The following STOX2 variants were observed in gnomAD, a reference collection of about 807,000 sequenced individuals.
STOX2 encodes the protein storkhead box 2.
STOX2 carries 28 observed loss-of-function variants against 60.9 expected under a neutral mutation model. The observed-to-expected ratio is 0.46, with a 90% CI of 0.34 to 0.63. STOX2 has a LOEUF of 0.63. Ranked by LOEUF, STOX2 falls within the 30% of genes least tolerant of loss-of-function variation. The pLI, the probability that STOX2 is intolerant of heterozygous loss-of-function variation, is 0.01. For missense variants in STOX2, 1,024 were observed against 1,187.7 expected (o/e 0.86, Z 2.03); for synonymous variants, 472 against 463.9 (o/e 1.02, Z -0.22).
chr4:183,971,391 T>G (rs1743736854), intron 1 of STOX2, among the ~76,000 whole-genome samples: 1 of 152,204 alleles, frequency 6.6e-6, no homozygotes, highest in Non-Finnish European at 1.5e-5. Context: ...AATGATCTGG[T>G]CTGTGGGTCA....
Position 184,011,098 on chromosome 4 carries a change from A to T in STOX2, c.2260A>T (p.Met754Leu), listed in dbSNP as rs1162883698. 1 of 1,594,842 alleles carries T rather than the reference A, an allele frequency of 6.3e-7. No homozygotes were observed. Among genetic ancestry groups the T allele is most frequent in the South Asian group, 1.1e-5 (1 of 87,332 alleles). Residue 754 changes from methionine (M) to leucine (L), a missense_variant, in exon 3 of 4, where the codon ATG becomes TTG. Transcript: ENST00000308497. The surrounding 1 kb of genome is among the most constrained non-coding windows in gnomAD (Gnocchi z 4.4). ...CCTGGGGACCTCGGCGGCACAAGCC[A>T]TGCCTGCTTCCCAGCGTCAGCAGGA... ...PSLGTSAAQA[M>L]PASQRQQESG...
chr4:183,900,076 G>T (rs1285083276), intron 1 of STOX2, among the ~76,000 whole-genome samples: 1 of 152,196 alleles, frequency 6.6e-6, no homozygotes, highest in Non-Finnish European at 1.5e-5. Context: ...AAGCCTGGAT[G>T]ACATCACATC....
intron 1 of STOX2, among the ~76,000 whole-genome samples, chr4:183,973,036 T>A (rs1192729061): frequency 2.0e-5 from 3 of 151,556 alleles, no homozygotes; most frequent in African/African-American, 7.3e-5. Context: ...GCAATAGAAA[T>A]TTTTCAATCT....
At chr4:183,864,806 A>G (rs1423454844) in intron 1 of STOX2, among the ~76,000 whole-genome samples, 3 of 152,100 alleles carry the variant, frequency 2.0e-5, no homozygotes, top group Admixed American at 2.0e-4. Flanking sequence ...ATTTTCCTCA[A>G]CCACTCCTCT....
At chr4:183,909,931 A>C (rs1741732421) in intron 1 of STOX2, among the ~76,000 whole-genome samples, 1 of 152,212 alleles carries the variant, frequency 6.6e-6, no homozygotes, top group African/African-American at 2.4e-5. Flanking sequence ...TAAACTAGCG[A>C]GCTCTTGCAA....
chr4:183,819,241 C>G (rs1438087296), intron 1 of STOX2, among the ~76,000 whole-genome samples: 2 of 152,094 alleles, frequency 1.3e-5, no homozygotes, highest in Non-Finnish European at 1.5e-5. Context: ...CCGCTGCACT[C>G]CAGCCTGGGC....
chr4:183,903,355 G>T (rs1393804118), upstream of STOX2, among the ~76,000 whole-genome samples: 1 of 152,062 alleles, frequency 6.6e-6, no homozygotes, highest in Non-Finnish European at 1.5e-5. Flanking sequence ...CCCCCTTTCT[G>T]TAACACCATC....
intron 1 of STOX2, among the ~76,000 whole-genome samples, chr4:183,980,289 C>T (rs774768589): frequency 3.9e-5 from 6 of 152,118 alleles, no homozygotes; most frequent in East Asian, 1.9e-4. Flanking sequence ...GGCTGTGATA[C>T]GAAAGGTGTA....
At chr4:184,008,076 T>G (rs1245384727) in intron 2 of STOX2, among the ~76,000 whole-genome samples, 1 of 152,198 alleles carries the variant, frequency 6.6e-6, no homozygotes, top group Non-Finnish European at 1.5e-5. Flanking sequence ...TATTCGTGTT[T>G]GGTTGAACCA....
At chr4:184,000,236 C>T (rs1733528027) in intron 1 of STOX2, among the ~76,000 whole-genome samples, 1 of 152,172 alleles carries the variant, frequency 6.6e-6, no homozygotes, top group Non-Finnish European at 1.5e-5. Flanking sequence ...CTTGGAGCAT[C>T]ACTTGAAAAT....
In STOX2 at chr4:183,995,442, T is replaced by A. The variant is rs992931848; in HGVS notation, c.167-5883T>A. 3.4e-4 allele frequency among the ~76,000 whole-genome samples: 52 copies of A among 152,122 alleles called. 1 individual carries two copies. The highest frequency in any genetic ancestry group is 3.9e-4 in the East Asian group (2 of 5,178). On this transcript the variant is annotated intron_variant, in intron 1 of 3. Coordinates refer to ENST00000308497, the MANE Select transcript of STOX2 (RefSeq NM_020225.3). ...GAATTATGTGAGAGAGAGTTTTTTT[T>A]AAAATAACTCCAACTAAAGTAATGG...
intron 1 of STOX2, among the ~76,000 whole-genome samples, chr4:183,950,870 G>A (rs1579457188): frequency 6.6e-6 from 1 of 152,150 alleles, no homozygotes; most frequent in East Asian, 1.9e-4. Flanking sequence ...ACTGGGGTCA[G>A]AGCAGAAAGC....
chr4:183,952,652 T>C (rs1414744597), intron 1 of STOX2, among the ~76,000 whole-genome samples: 1 of 152,196 alleles, frequency 6.6e-6, no homozygotes, highest in Non-Finnish European at 1.5e-5. Flanking sequence ...CAGAATGTGA[T>C]TGTGGAGCAC....
chr4:183,833,838 C>T (rs965336943), intron 1 of STOX2, among the ~76,000 whole-genome samples: 4 of 151,264 alleles, frequency 2.6e-5, no homozygotes, highest in South Asian at 4.2e-4. Flanking sequence ...AAAAATTAGC[C>T]GGGCGTGGTG....
intron 1 of STOX2, among the ~76,000 whole-genome samples, chr4:183,884,009 C>T (rs890520984): frequency 1.3e-5 from 2 of 152,164 alleles, no homozygotes; most frequent in African/African-American, 2.4e-5. Flanking sequence ...CCCGCCACCA[C>T]GCCCGGCTAA....
intron 1 of STOX2, among the ~76,000 whole-genome samples, chr4:183,884,747 C>T (rs7657089): frequency 0.28 from 42,391 of 152,028 alleles, 6,552 homozygotes; most frequent in South Asian, 0.36. Flanking sequence ...ACCGAAATGT[C>T]CTCATCACTT....
chr4:183,919,223 A>C (rs552646630), intron 1 of STOX2, among the ~76,000 whole-genome samples: 1 of 152,312 alleles, frequency 6.6e-6, no homozygotes, highest in Admixed American at 6.5e-5. Flanking sequence ...AGAGTTACAC[A>C]GAATGTTTGT....
intron 1 of STOX2, among the ~76,000 whole-genome samples, chr4:183,918,497 A>G (rs1052464063): frequency 2.6e-5 from 4 of 152,244 alleles, no homozygotes; most frequent in African/African-American, 9.6e-5. Flanking sequence ...CTGAGCTGCG[A>G]GTTCAGCTGC....
chr4:183,848,949 CG>C (rs2111138560), intron 1 of STOX2, among the ~76,000 whole-genome samples: 1 of 152,180 alleles, frequency 6.6e-6, no homozygotes, highest in African/African-American at 2.4e-5. Context: ...GCTCTTGCCT[CG>C]TGGGAGTTTA....
Sources: gnomAD v4.1 joint callset for allele counts (sites outside exome capture counted in the v4.1 genomes callset) on GRCh38, gnomAD v4.1.1 for gene constraint, Gnocchi (gnomAD v3.1) non-coding constraint, MANE v1.5 for transcripts, NCBI Gene and HGNC (gene_info 2026-07-23, HGNC 2026-07-21) for gene names.